The following MIR17HG variants were observed in gnomAD, a reference collection of about 807,000 sequenced individuals.
The protein encoded by MIR17HG is miR-17-92a-1 cluster host gene.
chr13:91,351,466 A>G (rs1202593116), intron 3 of MIR17HG: 4 of 442,122 alleles, frequency 9.0e-6, no homozygotes, highest in Non-Finnish European at 2.0e-5. Flanking sequence ...AATGTACAAG[A>G]TACATGAAAT....
intron 3 of MIR17HG, among the ~76,000 whole-genome samples, chr13:91,353,686 G>T (rs1875437047): frequency 6.6e-6 from 1 of 151,846 alleles, no homozygotes; most frequent in African/African-American, 2.4e-5. Flanking sequence ...TTCTTAAAAT[G>T]CTTTAACCTT....
intron 1 of MIR17HG, among the ~76,000 whole-genome samples, chr13:91,349,329 A>G (rs1875160546): frequency 6.6e-6 from 1 of 151,980 alleles, no homozygotes; most frequent in East Asian, 1.9e-4. Context: ...CCCGGCTTGC[A>G]GCCACGAGGT....
At chr13:91,351,554 G>T in intron 3 of MIR17HG, 1 of 335,604 alleles carries the variant, frequency 3.0e-6, no homozygotes, top group South Asian at 2.5e-5. Flanking sequence ...TTTTGGGGTT[G>T]CGTGTCAGAT....
exon 3 of MIR17HG, chr13:91,350,208 TGAA>T (rs1174494447): frequency 5.7e-6 from 1 of 176,932 alleles, no homozygotes; most frequent in Non-Finnish European, 1.2e-5. Flanking sequence ...CACGTGGATG[TGAA>T]GATTTCCTCT....
rs530686187 is a variant in MIR17HG, at chr13:91,348,419, C to T, written n.140+460C>T. Among the ~76,000 whole-genome samples, 148 of 150,140 alleles carry T rather than the reference C, an allele frequency of 9.9e-4. 1 individual carries two copies. Among genetic ancestry groups the T allele is most frequent in the Non-Finnish European group, 1.7e-3 (116 of 67,284 alleles). ...AAGCGCCTCCAGAACAAAGCGGCGG[C>T]GGCGGCGGCACATGGGGCAGGCCGC... is the stretch of plus-strand genomic sequence containing the variant. On this transcript the variant is annotated intron_variant and non_coding_transcript_variant, in intron 1 of 3. Transcript: ENST00000400282.
chr13:91,350,710 T>C, intron 3 of MIR17HG: 1 of 533,936 alleles, frequency 1.9e-6, no homozygotes, highest in South Asian at 1.4e-5. Flanking sequence ...GAAGCCAAGT[T>C]GGGCTTTAAA....
At chr13:91,348,934 G>T (rs1286103928) in intron 1 of MIR17HG, among the ~76,000 whole-genome samples, 1 of 149,396 alleles carries the variant, frequency 6.7e-6, no homozygotes, top group African/African-American at 2.4e-5. Flanking sequence ...GGGGGGGCTG[G>T]GGGACACAAA....
chr13:91,350,263 AT>A (rs1875229149), intron 3 of MIR17HG: 1 of 199,506 alleles, frequency 5.0e-6, no homozygotes, highest in Non-Finnish European at 1.1e-5. Flanking sequence ...ATGTTCCAAA[AT>A]TAGTTCTCAT....
At chr13:91,352,791 AC>A in intron 3 of MIR17HG, among the ~76,000 whole-genome samples, 1 of 152,266 alleles carries the variant, frequency 6.6e-6, no homozygotes, top group Non-Finnish European at 1.5e-5. Context: ...TTATTTAGTG[AC>A]AAACGTGGCT....
At chr13:91,351,067 A>G (rs1376853295) in intron 3 of MIR17HG, 3 of 524,986 alleles carry the variant, frequency 5.7e-6, no homozygotes, top group Non-Finnish European at 1.2e-5. Flanking sequence ...CAGCTTCTGT[A>G]GCACTAAAGT....
intron 3 of MIR17HG, chr13:91,351,102 T>G (rs185831554): frequency 3.2e-5 from 17 of 524,592 alleles, no homozygotes; most frequent in African/African-American, 2.9e-4. Context: ...TAGTGTTTAG[T>G]TATCTACTGC....
At chr13:91,352,925 A>G (rs1398108172) in intron 3 of MIR17HG, among the ~76,000 whole-genome samples, 2 of 151,914 alleles carry the variant, frequency 1.3e-5, no homozygotes, top group Non-Finnish European at 2.9e-5. Flanking sequence ...CCTGGCCGAC[A>G]TGGTGAAACG....
At chr13:91,353,384 A>T (rs1200989960) in intron 3 of MIR17HG, among the ~76,000 whole-genome samples, 1 of 152,212 alleles carries the variant, frequency 6.6e-6, no homozygotes, top group Non-Finnish European at 1.5e-5. Context: ...TAAATCTAAT[A>T]AACAAGTTAA....
intron 1 of MIR17HG, chr13:91,348,058 G>A (rs2138686808): frequency 6.7e-6 from 1 of 149,508 alleles, no homozygotes; most frequent in African/African-American, 2.4e-5. Flanking sequence ...CTGGCCCGGG[G>A]CAGCGTGGCG....
At chr13:91,353,654 G>GA (rs1256468088) in intron 3 of MIR17HG, among the ~76,000 whole-genome samples, 8 of 152,106 alleles carry the variant, frequency 5.3e-5, no homozygotes, top group African/African-American at 1.7e-4. Context: ...TCTGACCTGA[G>GA]AAAAAACAAC....
intron 3 of MIR17HG, chr13:91,350,464 A>AT: frequency 2.5e-6 from 1 of 402,132 alleles, no homozygotes; most frequent in South Asian, 1.9e-5. Context: ...AATTAAACTA[A>AT]TTTTTTCTTC....
rs1314576131 is a variant in MIR17HG at position 91,351,508 on chromosome 13, T to TA, written n.284+1283dup. On this transcript the variant is annotated intron_variant and non_coding_transcript_variant, in intron 3 of 3. Transcript: ENST00000400282. ...GAAAATGTGTAACTTTTTGTGTAAA[T>TA]ACATCTTGTCTTGTTTTCATTCAAA... The TA allele has an allele frequency of 7.6e-6, 3 of 394,424 alleles. No homozygotes were observed. In the Admixed American group the frequency reaches 8.2e-5, roughly 11 times the overall value. The allele number at this position is 394,424 out of a possible 1,614,324, so 24.4% of individuals were successfully genotyped here.
chr13:91,348,820 A>T (rs1300246639), intron 1 of MIR17HG, among the ~76,000 whole-genome samples: 3 of 149,452 alleles, frequency 2.0e-5, no homozygotes, highest in Non-Finnish European at 4.5e-5. Flanking sequence ...GGCGGGGGAC[A>T]TGGCGGCGAC....
intron 1 of MIR17HG, among the ~76,000 whole-genome samples, chr13:91,348,792 G>A (rs1425969617): frequency 2.0e-5 from 3 of 150,094 alleles, no homozygotes; most frequent in Non-Finnish European, 4.5e-5. Flanking sequence ...CCTGCGGGGC[G>A]GGCTGCACGG....
Sources: allele counts gnomAD v4.1 joint callset (sites outside exome capture counted in the v4.1 genomes callset), GRCh38; gene constraint gnomAD v4.1.1; transcripts MANE v1.5; gene names NCBI Gene and HGNC (gene_info 2026-07-23, HGNC 2026-07-21).